Variants in TENM4 observed in about 807,000 individuals in gnomAD.
TENM4 encodes the protein teneurin-4.
Under a neutral mutation model 243.3 loss-of-function variants are expected in TENM4, and 82 were observed. The observed-to-expected ratio is 0.34, with a 90% confidence interval of 0.28 to 0.40. The LOEUF is 0.40. Ranked by LOEUF, TENM4 falls within the 10% of genes least tolerant of loss-of-function variation. TENM4 has a pLI of 1.00. For missense variants in TENM4, 3,138 were observed against 3,673.3 expected, an observed-to-expected ratio of 0.85 and a Z score of 3.77; for synonymous variants, 1,412 against 1,456.3, an observed-to-expected ratio of 0.97 and a Z score of 0.69.
chr11:78,928,465 A>G (rs1262490479), intron 6 of TENM4, among the ~76,000 whole-genome samples: 2 of 152,208 alleles, frequency 1.3e-5, no homozygotes, highest in African/African-American at 2.4e-5. Flanking sequence ...AACAACAAGG[A>G]AATAGGTCAA....
chr11:78,733,674 A>C (rs1242269554), intron 20 of TENM4, among the ~76,000 whole-genome samples: 1 of 152,086 alleles, frequency 6.6e-6, no homozygotes, highest in Non-Finnish European at 1.5e-5. Context: ...GTTCCTCCCT[A>C]TTTGTACACC....
intron 6 of TENM4, among the ~76,000 whole-genome samples, chr11:78,989,263 A>T (rs1007442431): frequency 5.3e-5 from 8 of 152,264 alleles, no homozygotes; most frequent in African/African-American, 1.9e-4. Context: ...GTCAGAACTT[A>T]GAAATTAAAG....
intron 12 of TENM4, among the ~76,000 whole-genome samples, chr11:78,827,657 T>C (rs1857887282): frequency 6.6e-6 from 1 of 151,968 alleles, no homozygotes; most frequent in Admixed American, 6.6e-5. Context: ...GCCTGGTTAA[T>C]TTTGTATTTT....
chr11:78,886,518 T>G (rs929223611), intron 9 of TENM4, among the ~76,000 whole-genome samples: 10 of 152,214 alleles, frequency 6.6e-5, no homozygotes, highest in South Asian at 4.1e-4. Context: ...TCACCTGCGT[T>G]GGCTTATACC....
intron 1 of TENM4, among the ~76,000 whole-genome samples, chr11:79,403,739 A>G (rs1858509586): frequency 6.6e-6 from 1 of 152,128 alleles, no homozygotes; most frequent in South Asian, 2.1e-4. Context: ...GAAGAATCTG[A>G]GTCAGTACCA....
At chr11:78,975,986 G>A (rs888726620) in intron 6 of TENM4, among the ~76,000 whole-genome samples, 8 of 152,258 alleles carry the variant, frequency 5.3e-5, no homozygotes, top group South Asian at 2.1e-4. Flanking sequence ...TCACCCAGCC[G>A]GTGGGTACCA....
Position 79,069,813 on chromosome 11 carries a change from G to T in TENM4, c.132C>A (p.Thr44=), listed in dbSNP as rs1454630117. The change falls in exon 5 of 34, where the codon ACC becomes ACA. Residue 44 remains threonine (T), a synonymous_variant. Coordinates refer to ENST00000278550, the MANE Select transcript of TENM4 (RefSeq NM_001098816.3). ...APQKSYSSSE[T]LKAYDQDARL... The stretch of plus-strand genomic sequence containing the variant: ...GGGCGTCCTGGTCGTAGGCCTTCAG[G>T]GTCTCGCTGGAGCTGTACGATTTCT... The T allele has an allele frequency of 2.6e-6, 4 of 1,551,142 alleles. No homozygotes were observed. The highest frequency in any genetic ancestry group is 3.5e-6 in the Non-Finnish European group (4 of 1,146,900).
At chr11:78,817,578 C>T (rs995099236) in intron 12 of TENM4, among the ~76,000 whole-genome samples, 2 of 152,224 alleles carry the variant, frequency 1.3e-5, no homozygotes, top group African/African-American at 2.4e-5. Flanking sequence ...GATTCCTAAA[C>T]ACTGTTTTCA....
chr11:78,875,202 C>T (rs1859237859), intron 9 of TENM4, among the ~76,000 whole-genome samples: 1 of 152,154 alleles, frequency 6.6e-6, no homozygotes, highest in South Asian at 2.1e-4. Context: ...GTTCATTTTT[C>T]CTTCATAAGA....
intron 2 of TENM4, among the ~76,000 whole-genome samples, chr11:79,257,200 T>A (rs1186356288): frequency 5.9e-5 from 9 of 152,126 alleles, no homozygotes; most frequent in Non-Finnish European, 1.3e-4. Flanking sequence ...AGGCCTCAAG[T>A]ATCAGACTGG....
At chr11:79,027,080 GAGA>G (rs1387766228) in intron 6 of TENM4, among the ~76,000 whole-genome samples, 5 of 152,304 alleles carry the variant, frequency 3.3e-5, no homozygotes, top group East Asian at 3.9e-4. Context: ...CGTGGAGGCA[GAGA>G]AGAAGTAAAT....
Position 78,899,559 on chromosome 11 carries a change from C to CAGG in TENM4, c.749+3708_749+3709insCCT, listed in dbSNP as rs375147197. Among the ~76,000 whole-genome samples the CAGG allele has an allele frequency of 1.0e-4, 3 of 29,590 alleles. 1 individual carries two copies. Among genetic ancestry groups the CAGG allele is most frequent in the Non-Finnish European group, 9.5e-5 (1 of 10,482 alleles). The allele number at this position is 29,590 out of a possible 152,430, so 19.4% of individuals were successfully genotyped here. A position where few individuals can be genotyped will look rare whatever the true frequency, so the allele number is the denominator to read the frequency against. ...TGCCACTGCACTCTGTCTCAAAAAG[C>CAGG]GGGGGGGGGGGGAAAAAGAAAAAAG... is the stretch of plus-strand genomic sequence containing the variant. On this transcript the variant is annotated intron_variant, in intron 7 of 33. Coordinates refer to ENST00000278550, the MANE Select transcript of TENM4 (RefSeq NM_001098816.3).
At chr11:79,108,371 C>T (rs1056997365) in intron 4 of TENM4, among the ~76,000 whole-genome samples, 1 of 152,190 alleles carries the variant, frequency 6.6e-6, no homozygotes, top group Non-Finnish European at 1.5e-5. Context: ...AGCATCAACT[C>T]CCGCCTGAAT....
At chr11:78,770,479 TA>T (rs1329739885) in intron 18 of TENM4, among the ~76,000 whole-genome samples, 1 of 152,184 alleles carries the variant, frequency 6.6e-6, no homozygotes, top group Non-Finnish European at 1.5e-5. Flanking sequence ...TCTAGCACTT[TA>T]AAAAAACCCA....
intron 4 of TENM4, among the ~76,000 whole-genome samples, chr11:79,098,922 A>G (rs939223267): frequency 6.6e-6 from 1 of 152,236 alleles, no homozygotes; most frequent in African/African-American, 2.4e-5. Context: ...CACTTTCCCC[A>G]TCTATAAAGT....
At chr11:78,883,683 T>C (rs1855486230) in intron 9 of TENM4, among the ~76,000 whole-genome samples, 1 of 152,274 alleles carries the variant, frequency 6.6e-6, no homozygotes, top group South Asian at 2.1e-4. Flanking sequence ...CAGCACGCAG[T>C]GTCTGCGTTT....
chr11:79,157,746 AC>A (rs1238433642), intron 3 of TENM4, among the ~76,000 whole-genome samples: 1 of 151,874 alleles, frequency 6.6e-6, no homozygotes, highest in East Asian at 1.9e-4. Flanking sequence ...AGGGTTCCAT[AC>A]CTCCTTGCTT....
chr11:79,278,827 C>G (rs1459318465), intron 2 of TENM4, among the ~76,000 whole-genome samples: 2 of 152,140 alleles, frequency 1.3e-5, no homozygotes, highest in African/African-American at 2.4e-5. Flanking sequence ...CGCAATGACA[C>G]TGTCACTATC....
intron 18 of TENM4, among the ~76,000 whole-genome samples, chr11:78,768,818 C>T (rs977629538): frequency 6.6e-6 from 1 of 152,182 alleles, no homozygotes. Context: ...TCTCTCTCCC[C>T]CCGAGCTGTG....
Sources: allele counts gnomAD v4.1 joint callset (sites outside exome capture counted in the v4.1 genomes callset), GRCh38; gene constraint gnomAD v4.1.1; transcripts MANE v1.5; gene names NCBI Gene and HGNC (gene_info 2026-07-23, HGNC 2026-07-21).